Variants in LNP1 observed in about 807,000 individuals in gnomAD.
LNP1 encodes the protein leukemia NUP98 fusion partner 1.
LNP1 carries 12 observed loss-of-function variants against 14.5 expected under a neutral mutation model. The observed-to-expected ratio is 0.83, with a 90% confidence interval of 0.53 to 1.34. LNP1 has a LOEUF of 1.34. LNP1 is among the 40% of genes most tolerant of loss of function. LNP1 has a pLI of 0.00. For missense variants in LNP1, 198 were observed against 210.9 expected (o/e 0.94, Z 0.38); for synonymous variants, 75 against 71.4 (o/e 1.05, Z -0.26).
At chr3:100,432,617 T>C (rs1707253144) in intron 2 of LNP1, among the ~76,000 whole-genome samples, 2 of 152,234 alleles carry the variant, frequency 1.3e-5, no homozygotes. Context: ...AGAAATCCCA[T>C]GTTATTGTTC....
chr3:100,407,727 C>T (rs757145553), intron 1 of LNP1, among the ~76,000 whole-genome samples: 38 of 152,204 alleles, frequency 2.5e-4, no homozygotes, highest in Admixed American at 9.8e-4. Flanking sequence ...TGGTAATTTG[C>T]GTATTTGCTC....
At chr3:100,404,767 C>T (rs976272879) in intron 1 of LNP1, among the ~76,000 whole-genome samples, 2 of 150,044 alleles carry the variant, frequency 1.3e-5, no homozygotes, top group Non-Finnish European at 1.5e-5. Context: ...ATTTTCCCCA[C>T]TCATTCTTTC....
Position 100,409,606 on chromosome 3 carries a change from ATT to A in LNP1, c.-34+7180_-34+7181del, listed in dbSNP as rs201827312. On this transcript the variant is annotated intron_variant, in intron 1 of 3. Coordinates refer to ENST00000383693, the MANE Select transcript of LNP1 (RefSeq NM_001085451.2). Reference sequence around the variant, plus strand: ...CACACACACACATATATATATATATATTTTTTTTTTTTTTGAGTCTCACTCTT... The same window carrying A: ...CACACACACACATATATATATATATATTTTTTTTTTTTGAGTCTCACTCTT... Among the ~76,000 whole-genome samples, 966 of 124,456 alleles carry A rather than the reference ATT, an allele frequency of 7.8e-3. 6 individuals are homozygous for A. Among genetic ancestry groups the A allele is most frequent in the African/African-American group, 0.022 (695 of 31,156 alleles). 81.6% of individuals were successfully genotyped at this position (124,456 alleles called of 152,430 possible).
intron 1 of LNP1, among the ~76,000 whole-genome samples, chr3:100,402,907 T>C (rs1706926447): frequency 6.6e-6 from 1 of 152,256 alleles, no homozygotes; most frequent in Admixed American, 6.5e-5. Flanking sequence ...TCTTGAAACA[T>C]TTTTTGGATT....
At chr3:100,411,386 G>C (rs1707030922) in intron 1 of LNP1, among the ~76,000 whole-genome samples, 1 of 152,202 alleles carries the variant, frequency 6.6e-6, no homozygotes, top group African/African-American at 2.4e-5. Flanking sequence ...TTAAGCTTTA[G>C]AGGTGATGTT....
chr3:100,423,704 A>C (rs143376134), intron 1 of LNP1, among the ~76,000 whole-genome samples: 1 of 152,272 alleles, frequency 6.6e-6, no homozygotes, highest in East Asian at 1.9e-4. Flanking sequence ...ATGATAAGAA[A>C]ATTCTCATTT....
Position 100,429,699 on chromosome 3 carries a change from A to C in LNP1, c.-31A>C, listed in dbSNP as rs777174880. 1 of 1,601,048 alleles carries C rather than the reference A, an allele frequency of 6.2e-7. No homozygotes were observed. Among genetic ancestry groups the C allele is most frequent in the South Asian group, 1.1e-5 (1 of 89,688 alleles). ...ATATTTCCCTCTGTCGCATTTAGGG[A>C]CAGGCCTTCAGTATTTGGCATCACC... On this transcript the variant is annotated splice_region_variant and 5_prime_UTR_variant, in exon 2 of 4. Transcript: ENST00000383693.
At chr3:100,414,039 A>G (rs1477746238) in intron 1 of LNP1, among the ~76,000 whole-genome samples, 1 of 152,230 alleles carries the variant, frequency 6.6e-6, no homozygotes, top group African/African-American at 2.4e-5. Context: ...GCTGCAAAAA[A>G]AAAAATAGTT....
At chr3:100,402,901 G>A (rs762457040) in intron 1 of LNP1, among the ~76,000 whole-genome samples, 2 of 152,148 alleles carry the variant, frequency 1.3e-5, no homozygotes, top group Admixed American at 1.3e-4. Context: ...TTATTTTCTT[G>A]AAACATTTTT....
chr3:100,452,300 T>C lies in LNP1; in HGVS notation c.387+351T>C, dbSNP rs371192482. Among the ~76,000 whole-genome samples, 142 of 151,414 alleles carry C rather than the reference T, an allele frequency of 9.4e-4. 1 individual carries two copies. Among genetic ancestry groups the C allele is most frequent in the African/African-American group, 3.2e-3 (134 of 41,240 alleles). On this transcript the variant is annotated intron_variant, in intron 3 of 3. Coordinates refer to ENST00000383693, the MANE Select transcript of LNP1 (RefSeq NM_001085451.2). ...TCACTGCAGCCTCGAACTCCTGGTC[T>C]CACGTGTTCCTCCCACCTCAGCCTC...
At chr3:100,439,000 C>T (rs114162065) in intron 2 of LNP1, among the ~76,000 whole-genome samples, 2,161 of 152,190 alleles carry the variant, frequency 0.014, 28 homozygotes, top group African/African-American at 0.04. Flanking sequence ...AGAGGAGGAG[C>T]TTCTCCCTGT....
chr3:100,429,442 G>A (rs1157134059), intron 1 of LNP1, among the ~76,000 whole-genome samples: 1 of 152,168 alleles, frequency 6.6e-6, no homozygotes, highest in Non-Finnish European at 1.5e-5. Flanking sequence ...TGAGGCACAA[G>A]CCCCAGCAAT....
chr3:100,438,568 T>C (rs1707313780), intron 2 of LNP1, among the ~76,000 whole-genome samples: 1 of 152,190 alleles, frequency 6.6e-6, no homozygotes, highest in African/African-American at 2.4e-5. Flanking sequence ...CACCTACCAT[T>C]ATAGTGGCAT....
At chr3:100,444,488 A>C (rs1223370026) in intron 2 of LNP1, among the ~76,000 whole-genome samples, 2 of 152,214 alleles carry the variant, frequency 1.3e-5, no homozygotes, top group African/African-American at 4.8e-5. Context: ...TGTAATACCA[A>C]CTAAGCCAAT....
intron 1 of LNP1, among the ~76,000 whole-genome samples, chr3:100,424,368 G>A (rs948856647): frequency 1.3e-5 from 2 of 152,190 alleles, no homozygotes; most frequent in South Asian, 4.1e-4. Flanking sequence ...AGCAAAACAA[G>A]TAAAGATAAA....
At position 100,420,337 on chromosome 3, in the gene LNP1, G is replaced by T. The variant is rs954671984; in HGVS notation, c.-33-9360G>T. Among the ~76,000 whole-genome samples the T allele has an allele frequency of 2.0e-5, 3 of 151,766 alleles. No individual in the cohort carries two copies. In the East Asian group the frequency reaches 5.8e-4, roughly 29 times the overall value. On this transcript the variant is annotated intron_variant, in intron 1 of 3. Transcript: ENST00000383693. ...TCCTTCCTTCCTTCTTTTTGAGATGGTGTCTTTACTGTCACTCATGGTGGA... is the reference window on the plus strand; with the variant it reads ...TCCTTCCTTCCTTCTTTTTGAGATGTTGTCTTTACTGTCACTCATGGTGGA...
Position 100,436,633 on chromosome 3 carries a change from T to G in LNP1, c.156+6748T>G, listed in dbSNP as rs180681962. On this transcript the variant is annotated intron_variant, in intron 2 of 3. Coordinates refer to ENST00000383693, the MANE Select transcript of LNP1 (RefSeq NM_001085451.2). The stretch of plus-strand genomic sequence containing the variant: ...CATTTTCTCTTTACTTCATTGTCTT[T>G]TATGTTTCTCTTTTATATTACAATG... Among the ~76,000 whole-genome samples the G allele has an allele frequency of 3.9e-5, 6 of 152,304 alleles. No individual in the cohort carries two copies. The East Asian group carries it at 1.2e-3, about 29-fold the overall frequency.
chr3:100,429,286 C>G (rs1707221966), intron 1 of LNP1, among the ~76,000 whole-genome samples: 1 of 152,248 alleles, frequency 6.6e-6, no homozygotes, highest in East Asian at 1.9e-4. Flanking sequence ...GTATGTGGCC[C>G]CATTTCAGAG....
intron 1 of LNP1, among the ~76,000 whole-genome samples, chr3:100,415,138 AG>A (rs1707069079): frequency 6.6e-6 from 1 of 152,248 alleles, no homozygotes; most frequent in South Asian, 2.1e-4. Flanking sequence ...GTGAAGAAAA[AG>A]ATCAGTTTGG....
Sources: allele counts gnomAD v4.1 joint callset (sites outside exome capture counted in the v4.1 genomes callset), GRCh38; gene constraint gnomAD v4.1.1; transcripts MANE v1.5; gene names NCBI Gene and HGNC (gene_info 2026-07-23, HGNC 2026-07-21).